The following CSMD3 variants were observed in gnomAD, a reference collection of about 807,000 sequenced individuals.
CSMD3 encodes the protein CUB and Sushi multiple domains 3.
In CSMD3, 177 loss-of-function variants were observed where a neutral mutation model predicts 435.2. That is an observed-to-expected ratio of 0.41 (90% confidence interval 0.36 to 0.46). The LOEUF is 0.46. CSMD3 is among the 20% of genes least tolerant of loss of function. The pLI is 0.34. For missense variants in CSMD3, 4,265 were observed against 4,504.6 expected, an observed-to-expected ratio of 0.95 and a Z score of 1.52; for synonymous variants, 1,656 against 1,520.5, an observed-to-expected ratio of 1.09 and a Z score of -2.07.
intron 22 of CSMD3, among the ~76,000 whole-genome samples, chr8:112,603,820 T>G (rs924793660): frequency 6.6e-6 from 1 of 152,274 alleles, no homozygotes; most frequent in South Asian, 2.1e-4. Flanking sequence ...TGAACCTAAA[T>G]AGTTCAAACT....
chr8:113,124,233 T>G (rs906846077), intron 4 of CSMD3, among the ~76,000 whole-genome samples: 6 of 151,968 alleles, frequency 3.9e-5, no homozygotes, highest in African/African-American at 1.2e-4. Flanking sequence ...GTGTACAAAA[T>G]GCATACTGCA....
chr8:112,326,504 A>C (rs1167417418), intron 45 of CSMD3, among the ~76,000 whole-genome samples: 1 of 152,178 alleles, frequency 6.6e-6, no homozygotes, highest in Non-Finnish European at 1.5e-5. Context: ...AATATTATAA[A>C]GTGCTTAGAA....
chr8:113,153,116 A>G (rs1453317109), intron 4 of CSMD3, among the ~76,000 whole-genome samples: 2 of 116,198 alleles, frequency 1.7e-5, no homozygotes, highest in Admixed American at 8.8e-5. Flanking sequence ...AAAGAAAGAA[A>G]GAAAGAAAGA....
At chr8:113,361,602 T>C (rs1458407342) in intron 1 of CSMD3, among the ~76,000 whole-genome samples, 1 of 152,058 alleles carries the variant, frequency 6.6e-6, no homozygotes, top group African/African-American at 2.4e-5. Flanking sequence ...TATTATATCA[T>C]AAAAAGTTAG....
Position 112,448,413 on chromosome 8 carries a change from G to A in CSMD3, c.5395+24178C>T, listed in dbSNP as rs1039334559. On this transcript the variant is annotated intron_variant, in intron 32 of 70. Coordinates refer to ENST00000297405, the MANE Select transcript of CSMD3 (RefSeq NM_198123.2). Reference sequence around the variant, plus strand: ...GGGTGAGCCCTAAATCCAATGGCTGGTGTCTTTATAAGGAAAGGAAGATTT... The same window carrying A: ...GGGTGAGCCCTAAATCCAATGGCTGATGTCTTTATAAGGAAAGGAAGATTT... Among the ~76,000 whole-genome samples the A allele has an allele frequency of 6.6e-5, 10 of 152,242 alleles. No homozygotes were observed. The East Asian group carries it at 1.2e-3, about 18-fold the overall frequency.
chr8:112,489,470 G>A (rs983525017), intron 31 of CSMD3, among the ~76,000 whole-genome samples: 1 of 152,238 alleles, frequency 6.6e-6, no homozygotes, highest in African/African-American at 2.4e-5. Flanking sequence ...AAGTCAGCCA[G>A]TCCTGTGTAT....
intron 36 of CSMD3, among the ~76,000 whole-genome samples, chr8:112,388,167 G>T (rs891306343): frequency 6.6e-6 from 1 of 152,142 alleles, no homozygotes; most frequent in Non-Finnish European, 1.5e-5. Context: ...ATGAAGCTAG[G>T]TTTTTATAAG....
chr8:112,567,067 G>A (rs1829116751), intron 24 of CSMD3, among the ~76,000 whole-genome samples: 1 of 151,986 alleles, frequency 6.6e-6, no homozygotes, highest in Admixed American at 6.6e-5. Flanking sequence ...GATTCCCTTG[G>A]CATGAGATGA....
At chr8:112,844,118 T>A in intron 11 of CSMD3, among the ~76,000 whole-genome samples, 1 of 152,070 alleles carries the variant, frequency 6.6e-6, no homozygotes, top group Non-Finnish European at 1.5e-5. Context: ...ATAGGAGGAT[T>A]AAGTGAGAAG....
chr8:112,593,121 T>C (rs1465848776), intron 22 of CSMD3, among the ~76,000 whole-genome samples: 1 of 152,152 alleles, frequency 6.6e-6, no homozygotes, highest in Admixed American at 6.6e-5. Context: ...GTAAACCAAA[T>C]TGATACTAGT....
chr8:112,378,612 T>A (rs1829179030), intron 38 of CSMD3, among the ~76,000 whole-genome samples: 1 of 152,132 alleles, frequency 6.6e-6, no homozygotes, highest in African/African-American at 2.4e-5. Context: ...CTAAAAAAGT[T>A]GATCTCATGG....
In CSMD3 at chr8:112,503,409, G is replaced by A. The variant is rs141722256; in HGVS notation, c.5083+381C>T. On this transcript the variant is annotated intron_variant, in intron 30 of 70. Transcript: ENST00000297405. Reference sequence around the variant, plus strand: ...ACATATTTTCTGAAATACAGTTATCGTCTACGTTGTTCCCTTTATCACTGA... The same window carrying A: ...ACATATTTTCTGAAATACAGTTATCATCTACGTTGTTCCCTTTATCACTGA... 1.2e-4 allele frequency among the ~76,000 whole-genome samples: 18 copies of A among 152,272 alleles called. No individual in the cohort carries two copies. The East Asian group carries it at 2.5e-3, about 21-fold the overall frequency.
At chr8:113,206,130 G>C (rs2132052420) in intron 3 of CSMD3, among the ~76,000 whole-genome samples, 1 of 152,166 alleles carries the variant, frequency 6.6e-6, no homozygotes, top group East Asian at 1.9e-4. Context: ...TAAATGTTCT[G>C]TCTGGCTCTT....
chr8:113,054,414 A>G (rs1018537249), intron 5 of CSMD3, among the ~76,000 whole-genome samples: 2 of 152,112 alleles, frequency 1.3e-5, no homozygotes, highest in African/African-American at 4.8e-5. Context: ...TCTTCAATAC[A>G]TTTTTTTAAG....
chr8:112,349,578 A>T (rs139750219), intron 40 of CSMD3, among the ~76,000 whole-genome samples: 47 of 152,232 alleles, frequency 3.1e-4, no homozygotes, highest in African/African-American at 8.9e-4. Flanking sequence ...AATTGGATAT[A>T]CACATAAACA....
intron 16 of CSMD3, among the ~76,000 whole-genome samples, chr8:112,672,275 C>T (rs543866226): frequency 3.9e-4 from 60 of 152,182 alleles, no homozygotes; most frequent in African/African-American, 1.3e-3. Context: ...GTAAAAAACA[C>T]TAATCTGTGT....
intron 3 of CSMD3, among the ~76,000 whole-genome samples, chr8:113,217,351 C>T (rs1047933801): frequency 4.6e-5 from 7 of 151,198 alleles, no homozygotes; most frequent in Admixed American, 1.3e-4. Context: ...AAATGTGACC[C>T]GTGATCAGAC....
At chr8:112,564,003 T>C (rs1828859205) in intron 24 of CSMD3, among the ~76,000 whole-genome samples, 1 of 152,088 alleles carries the variant, frequency 6.6e-6, no homozygotes. Context: ...CACACGAGTG[T>C]GAAAACCTAA....
intron 69 of CSMD3, 61 bp downstream of exon 69, chr8:112,231,483 CT>C (rs903930319): frequency 9.3e-5 from 98 of 1,051,282 alleles, no homozygotes; most frequent in Non-Finnish European, 1.4e-4. Flanking sequence ...AATCCACAGT[CT>C]TTTTTTTATG....
Sources: allele counts gnomAD v4.1 joint callset (sites outside exome capture counted in the v4.1 genomes callset), GRCh38; gene constraint gnomAD v4.1.1; transcripts MANE v1.5; gene names NCBI Gene and HGNC (gene_info 2026-07-23, HGNC 2026-07-21).